MYH14: variants seen among roughly 807,000 people sequenced by gnomAD.
MYH14 encodes the protein myosin heavy chain 14, also known as myosin-14.
A neutral mutation model predicts 255.5 loss-of-function variants in MYH14; 123 were observed. The observed-to-expected ratio is 0.48, with a 90% CI of 0.42 to 0.56. MYH14 has a LOEUF of 0.56. Among genes scored for constraint, MYH14 ranks in the 20% least tolerant of loss-of-function variants. MYH14 has a pLI of 0.00. For missense variants in MYH14, 2,423 were observed against 2,802.3 expected, an observed-to-expected ratio of 0.86 and a Z score of 3.06; for synonymous variants, 1,095 against 1,161.2, an observed-to-expected ratio of 0.94 and a Z score of 1.16.
intron 1 of MYH14, among the ~76,000 whole-genome samples, chr19:50,207,271 CAGAGAGAGAGAG>C (rs764396652): frequency 8.1e-4 from 62 of 76,832 alleles, no homozygotes; most frequent in African/African-American, 2.3e-3. Flanking sequence ...GAGAGAGAGA[CAGAGAGAGAGAG>C]AGAGAGAGAG....
intron 6 of MYH14, among the ~76,000 whole-genome samples, chr19:50,224,572 G>A (rs1568474100): frequency 6.6e-6 from 1 of 152,134 alleles, no homozygotes; most frequent in East Asian, 1.9e-4. Flanking sequence ...CACCTAGCTA[G>A]ATCATTTCAT....
Position 50,289,340 on chromosome 19 carries a change from T to C in MYH14, c.4753-96T>C. 4.0e-6 allele frequency: 4 copies of C among 994,576 alleles called. 1 individual carries two copies. The South Asian group carries it at 5.6e-5, about 14-fold the overall frequency. The allele number at this position is 994,576 out of a possible 1,614,324, so 61.6% of individuals were successfully genotyped here. A position where few individuals can be genotyped will look rare whatever the true frequency, so the allele number is the denominator to read the frequency against. ...AGGATGGGCACACTGACTTGCCATC[T>C]CCCCATCCTCCATCAAATCTTCCCC... is the stretch of plus-strand genomic sequence containing the variant. On this transcript the variant is annotated intron_variant, in intron 34 of 42. Coordinates refer to ENST00000642316, the MANE Select transcript of MYH14 (RefSeq NM_001145809.2).
In MYH14 at chr19:50,252,900, T is replaced by C. The variant is rs2034456565; in HGVS notation, c.1945+147T>C. The stretch of plus-strand genomic sequence containing the variant: ...GAATAGCCAGTGTCACAAATAGTAT[T>C]TCAAATCAGTGATGGATGGATCCAT... On this transcript the variant is annotated intron_variant, in intron 16 of 42. Coordinates refer to ENST00000642316, the MANE Select transcript of MYH14 (RefSeq NM_001145809.2). This position sits in a 1 kb window ranked among gnomAD's most constrained non-coding sequence, Gnocchi z 4.2. The C allele has an allele frequency of 1.7e-6, 1 of 598,062 alleles. No individual in the cohort carries two copies. The highest frequency in any genetic ancestry group is 1.9e-5 in the African/African-American group (1 of 53,926). 37.0% of individuals were successfully genotyped at this position (598,062 alleles called of 1,614,324 possible).
chr19:50,275,161 G>C (rs1249666551), intron 27 of MYH14, among the ~76,000 whole-genome samples: 1 of 152,174 alleles, frequency 6.6e-6, no homozygotes, highest in Admixed American at 6.6e-5. Flanking sequence ...CCCTTCTTAA[G>C]TCACTTGTTG....
intron 33 of MYH14, among the ~76,000 whole-genome samples, chr19:50,282,489 C>G (rs1006726268): frequency 3.3e-5 from 5 of 152,296 alleles, no homozygotes; most frequent in Admixed American, 6.5e-5. Flanking sequence ...ATTGCCTGAG[C>G]TCAGGAGTTC....
chr19:50,248,554 C>T (rs951791822), intron 12 of MYH14, among the ~76,000 whole-genome samples: 1 of 152,294 alleles, frequency 6.6e-6, no homozygotes, highest in East Asian at 1.9e-4. Context: ...GCCACACTGA[C>T]CCGGGTTCAA....
At chr19:50,245,798 C>T (rs1328996149) in intron 11 of MYH14, among the ~76,000 whole-genome samples, 1 of 152,224 alleles carries the variant, frequency 6.6e-6, no homozygotes, top group Non-Finnish European at 1.5e-5. Flanking sequence ...GTGTGCCGTG[C>T]ACACACATTT....
chr19:50,216,589 G>A (rs1176972060), intron 2 of MYH14, among the ~76,000 whole-genome samples: 2 of 151,392 alleles, frequency 1.3e-5, no homozygotes, highest in Admixed American at 1.3e-4. Context: ...GGGTGACAGA[G>A]TAAGACCCTG....
chr19:50,291,132 G>A (rs957698301), intron 36 of MYH14, 84 bp downstream of exon 36: 39 of 1,383,802 alleles, frequency 2.8e-5, no homozygotes, highest in Non-Finnish European at 3.6e-5. Context: ...AGGCTAGCTC[G>A]GACCCCTCGC....
intron 3 of MYH14, among the ~76,000 whole-genome samples, chr19:50,220,436 G>A (rs2032761481): frequency 6.7e-6 from 1 of 149,020 alleles, no homozygotes; most frequent in African/African-American, 2.5e-5. Context: ...TAAATGTAAT[G>A]TTGATTTAAT....
chr19:50,222,051 G>A (rs1239002093), intron 3 of MYH14, among the ~76,000 whole-genome samples: 1 of 152,152 alleles, frequency 6.6e-6, no homozygotes, highest in Admixed American at 6.6e-5. Flanking sequence ...ATTGTAGGAT[G>A]TTTAGTAGCA....
chr19:50,272,779 C>T (rs1270031407), intron 27 of MYH14, 48 bp downstream of exon 27: 12 of 1,533,772 alleles, frequency 7.8e-6, no homozygotes, highest in Admixed American at 5.9e-5. Context: ...GGGTGCACGG[C>T]CAGCCAGCGT....
At chr19:50,257,517 G>A in intron 18 of MYH14, 31 bp downstream of exon 18, 1 of 1,566,272 alleles carries the variant, frequency 6.4e-7, no homozygotes, top group African/African-American at 1.4e-5. Flanking sequence ...AGGAAGGGGT[G>A]GCTGTGGCTG....
intron 27 of MYH14, 39 bp from the exon 28 acceptor site, chr19:50,275,952 C>T: frequency 6.5e-7 from 1 of 1,535,698 alleles, no homozygotes; most frequent in Non-Finnish European, 8.9e-7. Context: ...TCACTCTGGC[C>T]TGCCCCTGTA....
chr19:50,232,899 G>T (rs1034811514), intron 10 of MYH14, among the ~76,000 whole-genome samples: 2 of 152,092 alleles, frequency 1.3e-5, no homozygotes, highest in African/African-American at 4.8e-5. Flanking sequence ...AGGAGGTTGG[G>T]ACTTTGTCCT....
chr19:50,251,765 A>T (rs1182167848), intron 15 of MYH14, among the ~76,000 whole-genome samples: 1 of 152,038 alleles, frequency 6.6e-6, no homozygotes, highest in African/African-American at 2.4e-5. Flanking sequence ...TTTAGTAGAG[A>T]CAGGGTTTCA....
rs1319304318 is a variant in MYH14, at chr19:50,224,195, A to G, written c.717+18A>G. 8 of 1,613,592 alleles carry G rather than the reference A, an allele frequency of 5.0e-6. No homozygotes were observed. In the African/African-American group the frequency reaches 1.1e-4, roughly 22 times the overall value. On this transcript the variant is annotated intron_variant, in intron 6 of 42. Coordinates refer to ENST00000642316, the MANE Select transcript of MYH14 (RefSeq NM_001145809.2). ...TGTCTTATGTGAGTAGCAGGGGATCACCTCGAGTCTTGCTGCCCCTAATGC... is the reference window on the plus strand; with the variant it reads ...TGTCTTATGTGAGTAGCAGGGGATCGCCTCGAGTCTTGCTGCCCCTAATGC...
intron 39 of MYH14, among the ~76,000 whole-genome samples, chr19:50,296,974 C>G (rs1389434563): frequency 7.8e-5 from 6 of 76,608 alleles, no homozygotes. Context: ...AATGTATTCT[C>G]TCTGTTTTTT....
intron 10 of MYH14, among the ~76,000 whole-genome samples, chr19:50,236,718 A>G (rs1490251532): frequency 6.6e-6 from 1 of 151,998 alleles, no homozygotes; most frequent in African/African-American, 2.4e-5. Flanking sequence ...AAAAAAAAAG[A>G]AAAAAAAGAA....
Sources: gnomAD v4.1 joint callset for allele counts (sites outside exome capture counted in the v4.1 genomes callset) on GRCh38, gnomAD v4.1.1 for gene constraint, Gnocchi (gnomAD v3.1) non-coding constraint, MANE v1.5 for transcripts, NCBI Gene and HGNC (gene_info 2026-07-23, HGNC 2026-07-21) for gene names.